The following CCDC81 variants were observed in gnomAD, a reference collection of about 807,000 sequenced individuals.
CCDC81 encodes the protein coiled-coil domain-containing protein 81.
Under a neutral mutation model 83.7 loss-of-function variants are expected in CCDC81, and 79 were observed. The ratio of observed to expected loss-of-function variants is 0.94; its 90% CI spans 0.79 to 1.14. CCDC81 has a LOEUF of 1.14. CCDC81 is among the 50% of genes most tolerant of loss of function. The pLI is 0.00. For missense variants in CCDC81, 791 were observed against 778.1 expected (o/e 1.02, Z -0.20); for synonymous variants, 252 against 278.1 (o/e 0.91, Z 0.93).
chr11:86,419,600 T>A (rs374302929), intron 13 of CCDC81: 308 of 176,946 alleles, frequency 1.7e-3, no homozygotes, highest in African/African-American at 6.3e-3. Flanking sequence ...AAACAGAGTA[T>A]AGGAAATCCA....
rs1948284427 is a variant in CCDC81 at position 86,388,823 on chromosome 11, C to T, written c.298+1151C>T. On this transcript the variant is annotated intron_variant, in intron 3 of 14. Coordinates refer to ENST00000445632, the MANE Select transcript of CCDC81 (RefSeq NM_001156474.2). ...CCTATTAAAGAAAATGAAAATAAAG[C>T]TAACATTTTTGCAAAAACATCTGTG... Among the ~76,000 whole-genome samples the T allele has an allele frequency of 2.6e-5, 4 of 151,962 alleles. No individual in the cohort carries two copies. The South Asian group carries it at 8.3e-4, about 32-fold the overall frequency.
chr11:86,397,603 A>G lies in CCDC81; in HGVS notation c.636-18A>G, dbSNP rs774992234. 6.2e-7 allele frequency: 1 copy of G among 1,604,574 alleles called. No individual in the cohort carries two copies. Among genetic ancestry groups the G allele is most frequent in the Non-Finnish European group, 8.5e-7 (1 of 1,176,778 alleles). ...TTCAGGTTCAGTGCAGCAGAAAAAC[A>G]TATTGGCTCATTCCTAGGATTGAGC... On this transcript the variant is annotated intron_variant, in intron 5 of 14. Transcript: ENST00000445632.
At position 86,395,387 on chromosome 11, in the gene CCDC81, G is replaced by A. The variant is rs1948392454; in HGVS notation, c.609G>A (p.Trp203Ter). 6 of 1,614,034 alleles carry A rather than the reference G, an allele frequency of 3.7e-6. No homozygotes were observed. The highest frequency in any genetic ancestry group is 5.1e-6 in the Non-Finnish European group (6 of 1,179,974). The change falls in exon 5 of 15, where the codon TGG becomes TGA. Residue 203 changes from tryptophan (W) to a stop codon, truncating the protein, a stop_gained. Coordinates refer to ENST00000445632, the MANE Select transcript of CCDC81 (RefSeq NM_001156474.2). LOFTEE classifies it high-confidence loss of function. ...CTAGCAGAGAGGCCTTGAGGAAGTG[G>A]CCCAGCAGTGTGCTTGCGTTTCCAA... ...VLSSREALRK[W>*]PSSVLAFPRI...
intron 13 of CCDC81, chr11:86,419,318 C>G (rs1292326509): frequency 6.6e-6 from 1 of 152,224 alleles, no homozygotes; most frequent in African/African-American, 2.4e-5. Context: ...GATAGAAACA[C>G]AACACTGGGA....
intron 5 of CCDC81, among the ~76,000 whole-genome samples, chr11:86,397,311 G>A (rs1015330288): frequency 6.6e-6 from 1 of 152,104 alleles, no homozygotes; most frequent in Non-Finnish European, 1.5e-5. Context: ...TCTAGTTAAA[G>A]AAGTAGGATA....
At position 86,400,750 on chromosome 11, in the gene CCDC81, T is replaced by A. The variant is rs750274573; in HGVS notation, c.830T>A (p.Leu277Gln). 3.7e-6 allele frequency: 6 copies of A among 1,613,198 alleles called. No individual in the cohort carries two copies. The Admixed American group carries it at 6.7e-5, about 18-fold the overall frequency. ...GCCAAAGTGACAAATGTCAGCTTGC[T>A]GGAAAAGTTTGAACGAAGTGAGAGT... Reference protein sequence around the residue: ...FPAKVTNVSLLEKFERSESGG... With the variant: ...FPAKVTNVSLQEKFERSESGG... Residue 277 changes from leucine to glutamine, a missense_variant, in exon 7 of 15, where the codon CTG (leucine) becomes CAG (glutamine). By Grantham distance (113) the Leu-to-Gln change is moderately radical. Transcript: ENST00000445632.
chr11:86,400,076 AG>A lies in CCDC81; in HGVS notation c.758-601del, dbSNP rs1304803968. On this transcript the variant is annotated intron_variant, in intron 6 of 14. Coordinates refer to ENST00000445632, the MANE Select transcript of CCDC81 (RefSeq NM_001156474.2). ...AACCTGGGAGGCAGAAGTTGCAATG[AG>A]CTGAGATTGGGTTACTGCACTCCAG... 2.0e-5 allele frequency among the ~76,000 whole-genome samples: 3 copies of A among 149,966 alleles called. No individual in the cohort carries two copies. In the East Asian group the frequency reaches 5.9e-4, roughly 29 times the overall value.
intron 1 of CCDC81, among the ~76,000 whole-genome samples, chr11:86,378,479 A>G (rs1948129032): frequency 6.6e-6 from 1 of 152,158 alleles, no homozygotes; most frequent in South Asian, 2.1e-4. Flanking sequence ...GATATCAACT[A>G]TATCCATTTG....
At chr11:86,414,284 C>A (rs946707777) in intron 11 of CCDC81, 2 of 152,520 alleles carry the variant, frequency 1.3e-5, no homozygotes, top group African/African-American at 4.9e-5. Flanking sequence ...GTCCTGTGTT[C>A]AGCACATTGT....
Position 86,392,800 on chromosome 11 carries a change from A to G in CCDC81, c.555+3A>G. ...CTTTGGCAAAGGCCCTAGCAAATGT[A>G]AATTAATATTTTCCTTCTCCTAAGT... is the stretch of plus-strand genomic sequence containing the variant. On this transcript the variant is annotated splice_donor_region_variant and intron_variant, in intron 4 of 14. Coordinates refer to ENST00000445632, the MANE Select transcript of CCDC81 (RefSeq NM_001156474.2). 1 of 1,546,584 alleles carries G rather than the reference A, an allele frequency of 6.5e-7. No individual in the cohort carries two copies.
intron 2 of CCDC81, 99 bp from the exon 3 acceptor site, chr11:86,387,417 A>T: frequency 3.4e-6 from 4 of 1,181,042 alleles, no homozygotes; most frequent in Non-Finnish European, 4.9e-6. Context: ...TTTAAGGCCT[A>T]AGCTTACTTC....
chr11:86,390,663 T>C (rs936541438), intron 3 of CCDC81, among the ~76,000 whole-genome samples: 5 of 152,096 alleles, frequency 3.3e-5, no homozygotes, highest in Admixed American at 1.3e-4. Flanking sequence ...ATTTCAGATG[T>C]AGAATTGTTA....
At chr11:86,417,548 CTTT>C (rs1340279077) in intron 13 of CCDC81, among the ~76,000 whole-genome samples, 21 of 151,964 alleles carry the variant, frequency 1.4e-4, no homozygotes, top group Middle Eastern at 3.4e-3. Context: ...ATTCATTCTT[CTTT>C]AATAGCAGCA....
In CCDC81 at chr11:86,397,675, A is replaced by T; in HGVS notation, c.690A>T (p.Glu230Asp). 6.2e-7 allele frequency: 1 copy of T among 1,613,894 alleles called. No individual in the cohort carries two copies. The highest frequency in any genetic ancestry group is 8.5e-7 in the Non-Finnish European group (1 of 1,179,862). ...NKLPMETLVEECGENRERKCK... is the reference protein window; with the variant it reads ...NKLPMETLVEDCGENRERKCK... ...TGCCTATGGAGACCCTTGTAGAAGA[A>T]TGTGGAGAGAATAGAGAAAGGAAGT... Residue 230 changes from glutamate (E) to aspartate (D), a missense_variant, in exon 6 of 15, where the codon GAA becomes GAT. Transcript: ENST00000445632.
Position 86,375,364 on chromosome 11 carries a change from C to G in CCDC81, c.79+122C>G, listed in dbSNP as rs1948085844. The stretch of plus-strand genomic sequence containing the variant: ...GGCCTGGCCTGCCGTGGCTAAGTTG[C>G]CTTGACAACCAGCTGGTAATCACAT... On this transcript the variant is annotated intron_variant, in intron 1 of 14. Coordinates refer to ENST00000445632, the MANE Select transcript of CCDC81 (RefSeq NM_001156474.2). 3 of 743,626 alleles carry G rather than the reference C, an allele frequency of 4.0e-6. No individual in the cohort carries two copies. In the East Asian group the frequency reaches 7.7e-5, roughly 19 times the overall value. 46.1% of individuals were successfully genotyped at this position (743,626 alleles called of 1,614,324 possible). A position where few individuals can be genotyped will look rare whatever the true frequency, so the allele number is the denominator to read the frequency against.
chr11:86,422,647 T>A lies in CCDC81; in HGVS notation c.1891T>A (p.Ser631Thr), dbSNP rs1276215684. 2 of 1,613,992 alleles carry A rather than the reference T, an allele frequency of 1.2e-6. No individual in the cohort carries two copies. Among genetic ancestry groups the A allele is most frequent in the South Asian group, 2.2e-5 (2 of 91,084 alleles). The change falls in exon 15 of 15, where the codon TCC becomes ACC. Residue 631 changes from serine (S) to threonine (T), a missense_variant. Transcript: ENST00000445632. ...CTGCAAGCAATGCCAGAGGCGCACCTCCAACGTGGGCGAGAGCAACCTGTG... is the reference window on the plus strand; with the variant it reads ...CTGCAAGCAATGCCAGAGGCGCACCACCAACGTGGGCGAGAGCAACCTGTG... ...RRCKQCQRRT[S>T]NVGESNLWPL...
At chr11:86,375,748 G>A (rs116635755) in intron 1 of CCDC81, among the ~76,000 whole-genome samples, 197 of 152,308 alleles carry the variant, frequency 1.3e-3, no homozygotes, top group African/African-American at 4.5e-3. Context: ...AAACTCATTA[G>A]GCTTGGTTAG....
chr11:86,410,646 T>C (rs1292964186), intron 10 of CCDC81, among the ~76,000 whole-genome samples: 1 of 152,214 alleles, frequency 6.6e-6, no homozygotes, highest in African/African-American at 2.4e-5. Flanking sequence ...CCAGATTATA[T>C]TTATTACTGC....
intron 11 of CCDC81, among the ~76,000 whole-genome samples, chr11:86,412,843 TA>T (rs1242252381): frequency 1.3e-4 from 20 of 152,240 alleles, no homozygotes; most frequent in African/African-American, 4.8e-4. Context: ...CGGCAGTATC[TA>T]GGGGTGAATG....
Sources: allele counts gnomAD v4.1 joint callset (sites outside exome capture counted in the v4.1 genomes callset), GRCh38; gene constraint gnomAD v4.1.1; transcripts MANE v1.5; gene names NCBI Gene and HGNC (gene_info 2026-07-23, HGNC 2026-07-21).